The following CDKN2B-AS1 variants were observed in gnomAD, a reference collection of about 807,000 sequenced individuals.
The protein encoded by CDKN2B-AS1 is CDKN2B and CDKN2A antisense cis and trans regulatory RNA 1, also known as CDKN2B antisense RNA 1 (non-protein coding).
chr9:22,052,891 C>T lies in CDKN2B-AS1; in HGVS notation n.303-3361C>T, dbSNP rs1823413011. On this transcript the variant is annotated intron_variant and non_coding_transcript_variant, in intron 3 of 4. Transcript: ENST00000650946. ...GCCCCATGCTGTCATTTTTTCTCAT[C>T]CTGCCCCTTTATTTTGATGATTCCA... Among the ~76,000 whole-genome samples, 4 of 152,318 alleles carry T rather than the reference C, an allele frequency of 2.6e-5. No homozygotes were observed. In the South Asian group the frequency reaches 8.3e-4, roughly 32 times the overall value.
chr9:22,024,592 A>G (rs1383411427), intron 1 of CDKN2B-AS1, among the ~76,000 whole-genome samples: 1 of 152,160 alleles, frequency 6.6e-6, no homozygotes, highest in African/African-American at 2.4e-5. Flanking sequence ...TTACCACAAG[A>G]GTGAGGCACT....
chr9:22,114,163 C>T (rs1825877167), intron 4 of CDKN2B-AS1, among the ~76,000 whole-genome samples: 1 of 152,210 alleles, frequency 6.6e-6, no homozygotes. Context: ...CTCCAACCTC[C>T]TCTCCCACTG....
At chr9:22,011,165 A>G (rs1185544785) in intron 1 of CDKN2B-AS1, among the ~76,000 whole-genome samples, 1 of 152,218 alleles carries the variant, frequency 6.6e-6, no homozygotes, top group Non-Finnish European at 1.5e-5. Context: ...TCCAGACAGA[A>G]TTCTAAAGCT....
chr9:22,025,141 G>A (rs553565820), intron 1 of CDKN2B-AS1, among the ~76,000 whole-genome samples: 6 of 152,314 alleles, frequency 3.9e-5, no homozygotes, highest in African/African-American at 1.2e-4. Context: ...CACTTTGCTT[G>A]TCTCTTGGGG....
At position 22,026,004 on chromosome 9, in the gene CDKN2B-AS1, C is replaced by G. The variant is rs1822221888; in HGVS notation, n.30-20747C>G. Reference sequence around the variant, plus strand: ...GGTCCCATGGAAGTCTGAAACCTCTCTCAGTCAGAGAACACCAGTTGGGGT... The same window carrying G: ...GGTCCCATGGAAGTCTGAAACCTCTGTCAGTCAGAGAACACCAGTTGGGGT... On this transcript the variant is annotated intron_variant and non_coding_transcript_variant, in intron 1 of 4. Coordinates refer to ENST00000650946, the Ensembl canonical transcript of CDKN2B-AS1. Among the ~76,000 whole-genome samples the G allele has an allele frequency of 3.3e-5, 5 of 151,940 alleles. No homozygotes were observed. The South Asian group carries it at 8.3e-4, about 25-fold the overall frequency.
At chr9:22,048,911 A>T (rs1487405039) in intron 2 of CDKN2B-AS1, among the ~76,000 whole-genome samples, 4 of 152,186 alleles carry the variant, frequency 2.6e-5, no homozygotes, top group Admixed American at 2.0e-4. Context: ...CCTCTTAGGG[A>T]TAGTGTGAGA....
chr9:22,009,912 T>A, intron 1 of CDKN2B-AS1, among the ~76,000 whole-genome samples: 1 of 152,236 alleles, frequency 6.6e-6, no homozygotes, highest in East Asian at 1.9e-4. Context: ...CTTTCCATTT[T>A]TGCATTATGG....
Position 22,006,516 on chromosome 9 carries a change from T to C in CDKN2B-AS1, n.29+11355T>C, listed in dbSNP as rs979813625. Among the ~76,000 whole-genome samples the C allele has an allele frequency of 6.6e-6, 1 of 152,270 alleles. No homozygotes were observed. Among genetic ancestry groups the C allele is most frequent in the African/African-American group, 2.4e-5 (1 of 41,478 alleles). ...GACAAGAAAGTTGATGGTAAAGTGATGATCATCATTATGGAAAAACAAATC... is the reference window on the plus strand; with the variant it reads ...GACAAGAAAGTTGATGGTAAAGTGACGATCATCATTATGGAAAAACAAATC... On this transcript the variant is annotated intron_variant and non_coding_transcript_variant, in intron 1 of 4. Coordinates refer to ENST00000650946, the Ensembl canonical transcript of CDKN2B-AS1. This position sits in a 1 kb window ranked among gnomAD's most constrained non-coding sequence, Gnocchi z 6.4.
At chr9:22,016,663 T>A (rs1195676186) in intron 1 of CDKN2B-AS1, among the ~76,000 whole-genome samples, 1 of 152,098 alleles carries the variant, frequency 6.6e-6, no homozygotes, top group Admixed American at 6.5e-5. Flanking sequence ...AACTATCTGA[T>A]CTTTGACAAA....
At chr9:22,124,527 T>G (rs1817989490) in intron 4 of CDKN2B-AS1, among the ~76,000 whole-genome samples, 1 of 152,242 alleles carries the variant, frequency 6.6e-6, no homozygotes, top group Non-Finnish European at 1.5e-5. Context: ...TCTCTCTCTC[T>G]TTAATTGTAA....
intron 4 of CDKN2B-AS1, among the ~76,000 whole-genome samples, chr9:22,062,406 A>G (rs1300861407): frequency 2.6e-5 from 4 of 152,222 alleles, no homozygotes; most frequent in African/African-American, 7.2e-5. Context: ...ACAGCTTGAT[A>G]TGGAGGTATA....
chr9:22,099,812 A>G (rs756905831), intron 4 of CDKN2B-AS1, among the ~76,000 whole-genome samples: 13 of 152,210 alleles, frequency 8.5e-5, no homozygotes, highest in Non-Finnish European at 1.5e-4. Flanking sequence ...GTGTGCATGG[A>G]TAGATGCACA....
chr9:22,010,234 T>C (rs1279907392), intron 1 of CDKN2B-AS1, among the ~76,000 whole-genome samples: 1 of 152,210 alleles, frequency 6.6e-6, no homozygotes, highest in Admixed American at 6.5e-5. Flanking sequence ...AAATGCCAAG[T>C]GCTTTTTTTC....
rs145357732 is a variant in CDKN2B-AS1, at chr9:22,039,710, G to C, written n.30-7041G>C. Among the ~76,000 whole-genome samples, 347 of 151,992 alleles carry C rather than the reference G, an allele frequency of 2.3e-3. 2 individuals carry two copies. The highest frequency in any genetic ancestry group is 8.2e-3 in the African/African-American group (339 of 41,498). On this transcript the variant is annotated intron_variant and non_coding_transcript_variant, in intron 1 of 4. Coordinates refer to ENST00000650946, the Ensembl canonical transcript of CDKN2B-AS1. The surrounding 1 kb of genome is among the most constrained non-coding windows in gnomAD (Gnocchi z 4.4). The stretch of plus-strand genomic sequence containing the variant: ...CTATGGCACACTGCACGGTTTTTCT[G>C]ACCTCTCAGCTCCTAAATAAACTTT...
At chr9:22,028,380 G>T (rs1474990846) in intron 1 of CDKN2B-AS1, among the ~76,000 whole-genome samples, 1 of 152,068 alleles carries the variant, frequency 6.6e-6, no homozygotes, top group Non-Finnish European at 1.5e-5. Flanking sequence ...AATTAAGGCA[G>T]TGTTAGGTTT....
chr9:22,123,388 T>C (rs775874318), intron 4 of CDKN2B-AS1, among the ~76,000 whole-genome samples: 6 of 152,194 alleles, frequency 3.9e-5, no homozygotes, highest in Admixed American at 1.3e-4. Flanking sequence ...CATTACTGTG[T>C]TGAATAAGAA....
chr9:22,007,356 C>T (rs1164300845), intron 1 of CDKN2B-AS1, among the ~76,000 whole-genome samples: 1 of 72,410 alleles, frequency 1.4e-5, no homozygotes, highest in African/African-American at 1.7e-4. Context: ...GAGGCCTCAT[C>T]TCAAAAAAAA....
chr9:22,097,233 C>G (rs1825314996), intron 4 of CDKN2B-AS1: 1 of 152,222 alleles, frequency 6.6e-6, no homozygotes, highest in Non-Finnish European at 1.5e-5. Context: ...TGGATTTCCC[C>G]TAACTAGTCT....
At chr9:22,126,733 C>G (rs1308005756) in intron 4 of CDKN2B-AS1, among the ~76,000 whole-genome samples, 2 of 151,966 alleles carry the variant, frequency 1.3e-5, no homozygotes, top group South Asian at 4.2e-4. Context: ...CCACTGCACC[C>G]GGCTAATTTT....
Sources: allele counts gnomAD v4.1 joint callset (sites outside exome capture counted in the v4.1 genomes callset), GRCh38; gene constraint gnomAD v4.1.1; non-coding constraint Gnocchi (gnomAD v3.1); transcripts MANE v1.5; gene names NCBI Gene and HGNC (gene_info 2026-07-23, HGNC 2026-07-21).